Variants in PCSK6 observed in about 807,000 individuals in gnomAD.
The protein encoded by PCSK6 is paired basic amino acid cleaving enzyme 4.
In PCSK6, 85 loss-of-function variants were observed where a neutral mutation model predicts 123.3. That is an observed-to-expected ratio of 0.69 (90% CI 0.58 to 0.83). PCSK6 has a LOEUF of 0.83. Ranked by LOEUF, PCSK6 falls within the 40% of genes least tolerant of loss-of-function variation. The pLI, the probability that PCSK6 is intolerant of heterozygous loss-of-function variation, is 0.00. For missense variants in PCSK6, 1,191 were observed against 1,282.3 expected, an observed-to-expected ratio of 0.93 and a Z score of 1.09; for synonymous variants, 508 against 516.0, an observed-to-expected ratio of 0.98 and a Z score of 0.21.
chr15:101,325,099 CAGGCCTGCCCCTTTGTTTCCTCTG>C, intron 16 of PCSK6, 53 bp from the exon 17 acceptor site: 10 of 1,345,010 alleles, frequency 7.4e-6, no homozygotes, highest in Non-Finnish European at 1.0e-5. Flanking sequence ...GCCCCAGCCC[CAGGCCTGCCCCTTTGTTTCCTCTG>C]AGGAAACGAA....
At chr15:101,395,862 G>T (rs1475693361) in intron 7 of PCSK6, among the ~76,000 whole-genome samples, 3 of 152,150 alleles carry the variant, frequency 2.0e-5, no homozygotes, top group Non-Finnish European at 4.4e-5. Context: ...GGTCCCTTCT[G>T]AATAACTAGG....
At chr15:101,476,524 C>CA (rs3031709) in intron 1 of PCSK6, among the ~76,000 whole-genome samples, 45,119 of 138,434 alleles carry the variant, frequency 0.33, 7,557 homozygotes, top group East Asian at 0.61. Flanking sequence ...TAGGTAGGTC[C>CA]AAAAAAAAAA....
chr15:101,446,867 G>T (rs570765066), intron 1 of PCSK6, among the ~76,000 whole-genome samples: 1 of 151,702 alleles, frequency 6.6e-6, no homozygotes, highest in East Asian at 1.9e-4. Flanking sequence ...CATAAACCTT[G>T]TCAGATGCTC....
At chr15:101,456,356 T>A (rs187185000) in intron 1 of PCSK6, among the ~76,000 whole-genome samples, 6 of 152,332 alleles carry the variant, frequency 3.9e-5, no homozygotes, top group Admixed American at 2.6e-4. Flanking sequence ...CCACCCTGAC[T>A]CCTGGGCTGC....
Position 101,374,181 on chromosome 15 carries a change from T to C in PCSK6, c.1533-3658A>G, listed in dbSNP as rs190161816. ...TCAGATGTTCTCCATTCATCCCAAA[T>C]GCTCTCCACCCGCTCCCTTCTCCTG... On this transcript the variant is annotated intron_variant, in intron 11 of 21. Coordinates refer to ENST00000611716, the MANE Select transcript of PCSK6 (RefSeq NM_002570.5). 5.9e-5 allele frequency among the ~76,000 whole-genome samples: 9 copies of C among 152,262 alleles called. No individual in the cohort carries two copies. The East Asian group carries it at 1.7e-3, about 29-fold the overall frequency.
chr15:101,403,812 C>T (rs527445869), intron 6 of PCSK6, among the ~76,000 whole-genome samples: 24 of 152,248 alleles, frequency 1.6e-4, no homozygotes, highest in East Asian at 3.9e-4. Flanking sequence ...CTCCGCCTCC[C>T]GGGTTCAAGT....
intron 1 of PCSK6, among the ~76,000 whole-genome samples, chr15:101,466,413 G>A (rs1445542353): frequency 1.3e-5 from 2 of 152,156 alleles, no homozygotes; most frequent in African/African-American, 2.4e-5. Flanking sequence ...TGGTGAGACC[G>A]TGAAGGGTGG....
chr15:101,374,912 T>C (rs919305910), intron 11 of PCSK6, among the ~76,000 whole-genome samples: 1 of 152,176 alleles, frequency 6.6e-6, no homozygotes. Flanking sequence ...TGGGCTTCCT[T>C]ATTCATATGA....
intron 6 of PCSK6, among the ~76,000 whole-genome samples, chr15:101,408,007 G>A (rs12437510): frequency 0.25 from 38,554 of 152,138 alleles, 5,508 homozygotes; most frequent in South Asian, 0.4. Context: ...CCCTTTCACG[G>A]TCTCCCCGCT....
chr15:101,371,797 A>C (rs776490973), intron 11 of PCSK6, among the ~76,000 whole-genome samples: 15 of 152,218 alleles, frequency 9.9e-5, no homozygotes, highest in Non-Finnish European at 2.1e-4. Context: ...CGGAGTTCGG[A>C]GGCTGCCCTC....
intron 1 of PCSK6, among the ~76,000 whole-genome samples, chr15:101,475,087 C>T (rs2057698467): frequency 6.6e-6 from 1 of 152,222 alleles, no homozygotes; most frequent in African/African-American, 2.4e-5. Context: ...CCTGAATCCC[C>T]AGTTGAGAGG....
At chr15:101,413,641 G>A (rs1234988116) in intron 6 of PCSK6, among the ~76,000 whole-genome samples, 1 of 152,164 alleles carries the variant, frequency 6.6e-6, no homozygotes, top group Non-Finnish European at 1.5e-5. Context: ...AGACCGGGGG[G>A]CTACAGTTAG....
In PCSK6 at chr15:101,370,379, G is replaced by A; in HGVS notation, c.1677C>T (p.Tyr559=). The A allele has an allele frequency of 1.3e-6, 2 of 1,554,582 alleles. No individual in the cohort carries two copies. The highest frequency in any genetic ancestry group is 1.7e-6 in the Non-Finnish European group (2 of 1,148,814). ...ACTTGGTTCCCGAGGGAGAAACCAG[G>A]TAGATCTGGAGGTCTCCTCGGCGTG... ...SHPRRGDLQI[Y]LVSPSGTKSQ... Residue 559 remains tyrosine, a synonymous_variant, in exon 12 of 22, where the codon TAC becomes TAT. Coordinates refer to ENST00000611716, the MANE Select transcript of PCSK6 (RefSeq NM_002570.5).
At chr15:101,414,895 C>T (rs2055832923) in intron 6 of PCSK6, among the ~76,000 whole-genome samples, 1 of 152,034 alleles carries the variant, frequency 6.6e-6, no homozygotes, top group Admixed American at 6.6e-5. Context: ...AAATATAAAT[C>T]CAGATACATG....
chr15:101,352,071 C>G (rs751104870), intron 13 of PCSK6, among the ~76,000 whole-genome samples: 1 of 148,662 alleles, frequency 6.7e-6, no homozygotes, highest in Non-Finnish European at 1.5e-5. Flanking sequence ...ATGGGCTAGA[C>G]AGAAGTGAAA....
chr15:101,330,518 T>C (rs912662891), intron 15 of PCSK6, among the ~76,000 whole-genome samples: 1 of 152,200 alleles, frequency 6.6e-6, no homozygotes, highest in Non-Finnish European at 1.5e-5. Context: ...TCTCACCTCC[T>C]CTGTCACTCT....
At chr15:101,352,624 T>C (rs770224091) in intron 13 of PCSK6, among the ~76,000 whole-genome samples, 2 of 152,264 alleles carry the variant, frequency 1.3e-5, no homozygotes, top group Non-Finnish European at 2.9e-5. Flanking sequence ...CTATCCGTAC[T>C]GTTCCCTTGA....
chr15:101,405,446 G>A (rs899563355), intron 6 of PCSK6, among the ~76,000 whole-genome samples: 6 of 152,180 alleles, frequency 3.9e-5, no homozygotes, highest in Non-Finnish European at 8.8e-5. Flanking sequence ...GAAGATGGTT[G>A]CTTTGGAGAA....
intron 6 of PCSK6, among the ~76,000 whole-genome samples, chr15:101,420,208 G>A (rs1218434541): frequency 2.8e-4 from 35 of 123,728 alleles, no homozygotes; most frequent in South Asian, 5.6e-4. Flanking sequence ...AAAAAAAAAA[G>A]CTAAACAGGA....
Sources: gnomAD v4.1 joint callset for allele counts (sites outside exome capture counted in the v4.1 genomes callset) on GRCh38, gnomAD v4.1.1 for gene constraint, MANE v1.5 for transcripts, NCBI Gene and HGNC (gene_info 2026-07-23, HGNC 2026-07-21) for gene names.